The following NRG3 variants were observed in gnomAD, a reference collection of about 807,000 sequenced individuals.
The protein encoded by NRG3 is pro-neuregulin-3, membrane-bound isoform.
In NRG3, 31 loss-of-function variants were observed where a neutral mutation model predicts 66.9. That is an observed-to-expected ratio of 0.46 (90% CI 0.35 to 0.63). NRG3 has a LOEUF of 0.63. Ranked by LOEUF, NRG3 falls within the 20% of genes least tolerant of loss-of-function variation. The pLI, the probability that NRG3 is intolerant of heterozygous loss-of-function variation, is 0.00. For synonymous variants in NRG3, 393 were observed against 359.4 expected (o/e 1.09, Z -1.06); for missense variants, 910 against 878.9 (o/e 1.04, Z -0.45).
intron 2 of NRG3, among the ~76,000 whole-genome samples, chr10:82,470,377 C>A (rs949397322): frequency 6.6e-6 from 1 of 152,224 alleles, no homozygotes; most frequent in Non-Finnish European, 1.5e-5. Flanking sequence ...CTTCAATTTT[C>A]TCCTCTCTTG....
chr10:82,520,070 TG>T (rs1846049485), intron 2 of NRG3, among the ~76,000 whole-genome samples: 1 of 151,670 alleles, frequency 6.6e-6, no homozygotes, highest in Non-Finnish European at 1.5e-5. Flanking sequence ...TCCTGTGCTA[TG>T]GGGGTAAGTG....
chr10:82,878,506 TAA>T (rs1277867567), intron 4 of NRG3, among the ~76,000 whole-genome samples: 1 of 152,202 alleles, frequency 6.6e-6, no homozygotes, highest in Non-Finnish European at 1.5e-5. Flanking sequence ...ATTAGAAGGA[TAA>T]ATTTTCATTT....
intron 2 of NRG3, among the ~76,000 whole-genome samples, chr10:82,674,720 C>T (rs1272819109): frequency 6.6e-6 from 1 of 152,014 alleles, no homozygotes; most frequent in African/African-American, 2.4e-5. Context: ...GATGCGAAGT[C>T]TCAGATCTCT....
intron 2 of NRG3, among the ~76,000 whole-genome samples, chr10:82,528,690 T>TA (rs1375101066): frequency 7.2e-5 from 11 of 152,162 alleles, no homozygotes; most frequent in African/African-American, 2.7e-4. Context: ...TGAGTAAAAA[T>TA]ACATTTTCAT....
At chr10:82,099,984 A>AAT (rs3036603) in intron 1 of NRG3, among the ~76,000 whole-genome samples, 37,036 of 145,804 alleles carry the variant, frequency 0.25, 4,847 homozygotes, top group East Asian at 0.44. Flanking sequence ...CCCTGTCTCT[A>AAT]ATATATATAT....
intron 2 of NRG3, among the ~76,000 whole-genome samples, chr10:82,435,779 C>CTTTTTTTTTTTTTTTTTTTT (rs1158502018): frequency 5.5e-5 from 6 of 108,270 alleles, no homozygotes; most frequent in African/African-American, 2.2e-4. Context: ...CTTTTCTTTT[C>CTTTTTTTTTTTTTTTTTTTT]TTTTTTTTTT....
At chr10:82,332,822 C>T (rs2082203252) in intron 1 of NRG3, among the ~76,000 whole-genome samples, 2 of 152,034 alleles carry the variant, frequency 1.3e-5, no homozygotes, top group Non-Finnish European at 1.5e-5. Flanking sequence ...ACTTATGATC[C>T]AAAATGATCT....
chr10:81,995,461 C>A (rs1018008343), intron 1 of NRG3, among the ~76,000 whole-genome samples: 1 of 152,132 alleles, frequency 6.6e-6, no homozygotes, highest in Non-Finnish European at 1.5e-5. Flanking sequence ...CTGTGTTTGG[C>A]AGCAACTCGA....
At chr10:82,022,369 G>A (rs1360879481) in intron 1 of NRG3, among the ~76,000 whole-genome samples, 2 of 152,070 alleles carry the variant, frequency 1.3e-5, no homozygotes, top group Non-Finnish European at 2.9e-5. Context: ...AACCCTGTCA[G>A]TCACATGCCT....
chr10:82,356,695 T>C (rs1372999644), intron 1 of NRG3, among the ~76,000 whole-genome samples: 1 of 152,220 alleles, frequency 6.6e-6, no homozygotes, highest in Non-Finnish European at 1.5e-5. Context: ...TCGTGGAATA[T>C]GAGTAACATA....
At chr10:81,878,411 G>A (rs1012902712) in intron 1 of NRG3, among the ~76,000 whole-genome samples, 2 of 152,194 alleles carry the variant, frequency 1.3e-5, no homozygotes, top group African/African-American at 4.8e-5. Context: ...AGTGGATTAT[G>A]TAGTTTTCAT....
chr10:82,044,935 A>G (rs1298240975), intron 1 of NRG3, among the ~76,000 whole-genome samples: 2 of 151,838 alleles, frequency 1.3e-5, no homozygotes, highest in African/African-American at 4.8e-5. Flanking sequence ...CATGGTGTAC[A>G]TGTGCCACAT....
intron 1 of NRG3, among the ~76,000 whole-genome samples, chr10:81,971,501 A>G (rs1310275091): frequency 6.6e-6 from 1 of 152,222 alleles, no homozygotes; most frequent in East Asian, 1.9e-4. Context: ...AGGGACTTAC[A>G]CTTCTGGCCC....
chr10:82,539,265 G>A (rs1590569143), intron 2 of NRG3, among the ~76,000 whole-genome samples: 1 of 152,150 alleles, frequency 6.6e-6, no homozygotes, highest in African/African-American at 2.4e-5. Context: ...AATTGTTAAA[G>A]CATGAGCTCT....
intron 2 of NRG3, among the ~76,000 whole-genome samples, chr10:82,393,681 C>T (rs1224720189): frequency 6.6e-6 from 1 of 152,148 alleles, no homozygotes; most frequent in African/African-American, 2.4e-5. Context: ...CGATTCACTC[C>T]TACTACCAAG....
intron 4 of NRG3, among the ~76,000 whole-genome samples, chr10:82,868,099 T>C (rs1258338392): frequency 6.6e-6 from 1 of 152,160 alleles, no homozygotes; most frequent in African/African-American, 2.4e-5. Context: ...AGATCCCCAG[T>C]GTAGCCATGG....
chr10:82,009,075 T>C (rs2061480145), intron 1 of NRG3, among the ~76,000 whole-genome samples: 1 of 152,196 alleles, frequency 6.6e-6, no homozygotes, highest in African/African-American at 2.4e-5. Flanking sequence ...CCCAGCTAAT[T>C]ATGTAGATGT....
chr10:82,003,870 G>A (rs2061269229), intron 1 of NRG3, among the ~76,000 whole-genome samples: 1 of 151,920 alleles, frequency 6.6e-6, no homozygotes, highest in Non-Finnish European at 1.5e-5. Context: ...TGACACCTTA[G>A]AGCTGGGTGT....
chr10:82,430,283 A>G (rs2089713813), intron 2 of NRG3, among the ~76,000 whole-genome samples: 1 of 151,288 alleles, frequency 6.6e-6, no homozygotes, highest in South Asian at 2.1e-4. Context: ...TTTGAGATGG[A>G]GTCTCGCTCT....
Sources: allele counts gnomAD v4.1 joint callset (sites outside exome capture counted in the v4.1 genomes callset), GRCh38; gene constraint gnomAD v4.1.1; transcripts MANE v1.5; gene names NCBI Gene and HGNC (gene_info 2026-07-23, HGNC 2026-07-21).